HHIP: variants seen among roughly 807,000 people sequenced by gnomAD.
HHIP encodes the protein hedgehog-interacting protein.
Under a neutral mutation model 74.0 loss-of-function variants are expected in HHIP, and 12 were observed. That is an observed-to-expected ratio of 0.16 (90% CI 0.10 to 0.26). HHIP has a LOEUF of 0.26. Among genes scored for constraint, HHIP ranks in the 10% least tolerant of loss-of-function variants. HHIP has a pLI of 1.00. For synonymous variants in HHIP, 309 were observed against 311.6 expected, an observed-to-expected ratio of 0.99 and a Z score of 0.09; for missense variants, 788 against 845.0, an observed-to-expected ratio of 0.93 and a Z score of 0.84.
intron 4 of HHIP, among the ~76,000 whole-genome samples, chr4:144,688,324 G>T (rs1336779158): frequency 2.0e-5 from 3 of 152,026 alleles, no homozygotes; most frequent in Admixed American, 6.5e-5. Flanking sequence ...AATTATAAAG[G>T]AAGTTAAGCA....
intron 11 of HHIP, among the ~76,000 whole-genome samples, chr4:144,726,111 T>C (rs1281758162): frequency 1.3e-5 from 2 of 152,226 alleles, no homozygotes; most frequent in Non-Finnish European, 2.9e-5. Context: ...TTATCAATTA[T>C]GGTTTATGAA....
rs200057636 is a variant in HHIP at position 144,712,043 on chromosome 4, T to C, written c.1395T>C (p.Ile465=). The change falls in exon 8 of 13, where the codon ATT becomes ATC. Residue 465 remains isoleucine, a synonymous_variant. Coordinates refer to ENST00000296575, the MANE Select transcript of HHIP (RefSeq NM_022475.3). Reference sequence around the variant, plus strand: ...GAAAAAACAGATCATCAGCCAGAATTCTACAGATAATAAAGGGGAAAGATT... The same window carrying C: ...GAAAAAACAGATCATCAGCCAGAATCCTACAGATAATAAAGGGGAAAGATT... ...SNGKNRSSAR[I]LQIIKGKDYE... is the part of the protein sequence containing the mutation. 5 of 1,613,040 alleles carry C rather than the reference T, an allele frequency of 3.1e-6. No homozygotes were observed. Among genetic ancestry groups the C allele is most frequent in the Admixed American group, 1.7e-5 (1 of 59,978 alleles).
At position 144,734,832 on chromosome 4, in the gene HHIP, A is replaced by G; in HGVS notation, c.1852A>G (p.Thr618Ala). 2 of 1,612,854 alleles carry G rather than the reference A, an allele frequency of 1.2e-6. No homozygotes were observed. Among genetic ancestry groups the G allele is most frequent in the Non-Finnish European group, 1.7e-6 (2 of 1,179,126 alleles). ...CAGGCTCTGTCGAAACGGCTACTGC[A>G]CCCCCACGGGAAAGTGCTGCTGCAG... The part of the protein sequence containing the change: ...CSRLCRNGYC[T>A]PTGKCCCSPG... Residue 618 changes from threonine to alanine, a missense_variant, in exon 12 of 13, where the codon ACC (threonine) becomes GCC (alanine). Around this residue, in one of 3 missense-constraint regions of HHIP, gnomAD observed 343 missense variants for 347.9 expected, o/e 0.99. Transcript: ENST00000296575.
At chr4:144,681,147 C>A (rs1342653938) in intron 4 of HHIP, among the ~76,000 whole-genome samples, 3 of 152,048 alleles carry the variant, frequency 2.0e-5, no homozygotes, top group African/African-American at 7.2e-5. Flanking sequence ...ATCAGATTCA[C>A]CATCTTTCAC....
chr4:144,723,785 A>G (rs561566067), intron 11 of HHIP, among the ~76,000 whole-genome samples: 1 of 152,292 alleles, frequency 6.6e-6, no homozygotes, highest in South Asian at 2.1e-4. Context: ...AACATGACAG[A>G]ATTTCTTAAC....
intron 1 of HHIP, 66 bp from the exon 2 acceptor site, chr4:144,652,536 AAAT>A (rs1170600721): frequency 1.5e-5 from 15 of 1,005,124 alleles, no homozygotes; most frequent in Middle Eastern, 2.7e-4. Context: ...CAATTGCAAA[AAAT>A]AATAATAATA....
At chr4:144,702,130 G>A (rs1054629419) in intron 4 of HHIP, among the ~76,000 whole-genome samples, 1 of 152,072 alleles carries the variant, frequency 6.6e-6, no homozygotes, top group Non-Finnish European at 1.5e-5. Context: ...TCCAGCCAGG[G>A]TGATAGAGTG....
intron 11 of HHIP, among the ~76,000 whole-genome samples, chr4:144,728,168 C>A (rs1730851534): frequency 6.6e-6 from 1 of 152,188 alleles, no homozygotes; most frequent in African/African-American, 2.4e-5. Flanking sequence ...TGGCTCGATT[C>A]ACTAAGTTAC....
intron 7 of HHIP, among the ~76,000 whole-genome samples, chr4:144,709,978 G>T (rs572714302): frequency 1.5e-3 from 226 of 152,224 alleles, no homozygotes; most frequent in Non-Finnish European, 2.5e-3. Flanking sequence ...TTCACTCTTG[G>T]TGTTGTGAAT....
chr4:144,646,462 C>T lies in HHIP; in HGVS notation c.-214C>T. ...ATCCGCACAACTTTATCTCGCTCCT[C>T]GGGCTCCCCTAAGGCATTGGACCCA... On this transcript the variant is annotated 5_prime_UTR_variant, in exon 1 of 13. Transcript: ENST00000296575. The T allele has an allele frequency of 2.0e-6, 1 of 505,090 alleles. No individual in the cohort carries two copies. Among genetic ancestry groups the T allele is most frequent in the Non-Finnish European group, 3.5e-6 (1 of 285,402 alleles). The allele number at this position is 505,090 out of a possible 1,614,324, so 31.3% of individuals were successfully genotyped here.
At chr4:144,711,609 A>G (rs1730307254) in intron 7 of HHIP, among the ~76,000 whole-genome samples, 1 of 152,022 alleles carries the variant, frequency 6.6e-6, no homozygotes, top group Admixed American at 6.6e-5. Context: ...CTGTTCCTGG[A>G]TGGTGACACC....
At chr4:144,685,709 A>T (rs1729468598) in intron 4 of HHIP, 1 of 152,210 alleles carries the variant, frequency 6.6e-6, no homozygotes, top group South Asian at 2.1e-4. Flanking sequence ...CGGCTCCTCT[A>T]GGATTGTGTC....
intron 4 of HHIP, among the ~76,000 whole-genome samples, chr4:144,695,531 G>A (rs542761979): frequency 6.6e-5 from 10 of 151,348 alleles, no homozygotes; most frequent in Non-Finnish European, 1.3e-4. Context: ...CATTGGGTTT[G>A]TTTTTGGAGG....
intron 4 of HHIP, among the ~76,000 whole-genome samples, chr4:144,665,502 C>T (rs1352552256): frequency 6.6e-6 from 1 of 152,152 alleles, no homozygotes; most frequent in African/African-American, 2.4e-5. Flanking sequence ...ATGTCATTTT[C>T]AATTTTCATG....
At chr4:144,700,634 C>A (rs1729950978) in intron 4 of HHIP, among the ~76,000 whole-genome samples, 1 of 152,058 alleles carries the variant, frequency 6.6e-6, no homozygotes, top group African/African-American at 2.4e-5. Flanking sequence ...CCATTGCTGG[C>A]TTTGAAGATG....
chr4:144,679,788 T>C (rs1729284971), intron 4 of HHIP, among the ~76,000 whole-genome samples: 1 of 152,244 alleles, frequency 6.6e-6, no homozygotes, highest in South Asian at 2.1e-4. Flanking sequence ...TAAAATGTAA[T>C]ATTTTCAGTA....
intron 11 of HHIP, among the ~76,000 whole-genome samples, chr4:144,724,500 T>C (rs1730736378): frequency 6.6e-6 from 1 of 151,756 alleles, no homozygotes; most frequent in South Asian, 2.1e-4. Context: ...CTTTAAGATA[T>C]AATTGACAAA....
chr4:144,712,730 T>C (rs1379028290), intron 8 of HHIP, among the ~76,000 whole-genome samples: 1 of 152,134 alleles, frequency 6.6e-6, no homozygotes, highest in East Asian at 1.9e-4. Flanking sequence ...AAGCAATATA[T>C]CAACCATTAT....
chr4:144,660,970 A>G (rs1466677171), intron 4 of HHIP, among the ~76,000 whole-genome samples: 3 of 152,220 alleles, frequency 2.0e-5, no homozygotes, highest in Admixed American at 2.0e-4. Flanking sequence ...ATTTGAGAGA[A>G]CTGATATTAA....
Sources: allele counts gnomAD v4.1 joint callset (sites outside exome capture counted in the v4.1 genomes callset), GRCh38; gene constraint gnomAD v4.1.1; regional missense constraint gnomAD v4.1.1; transcripts MANE v1.5; gene names NCBI Gene and HGNC (gene_info 2026-07-23, HGNC 2026-07-21).